NFATC2: variants seen among roughly 807,000 people sequenced by gnomAD.
The protein encoded by NFATC2 is nuclear factor of activated T cells 2, also known as nuclear factor of activated T-cells, cytoplasmic 2.
A neutral mutation model predicts 87.3 loss-of-function variants in NFATC2; 22 were observed. The ratio of observed to expected loss-of-function variants is 0.25; its 90% confidence interval spans 0.18 to 0.36. The LOEUF (loss-of-function observed/expected upper bound fraction) is 0.36, where lower values mean the gene tolerates loss of function less well. NFATC2 is among the 10% of genes least tolerant of loss of function. The pLI is 1.00. For missense variants in NFATC2, 1,149 were observed against 1,259.1 expected (o/e 0.91, Z 1.32); for synonymous variants, 565 against 542.2 (o/e 1.04, Z -0.58).
intron 1 of NFATC2, among the ~76,000 whole-genome samples, chr20:51,550,861 C>T (rs370444159): frequency 5.4e-4 from 82 of 152,310 alleles, no homozygotes; most frequent in African/African-American, 1.8e-3. Flanking sequence ...GAACTCATAT[C>T]GCTTTCACAC....
At chr20:51,534,784 C>T (rs983400128) in intron 1 of NFATC2, among the ~76,000 whole-genome samples, 6 of 152,192 alleles carry the variant, frequency 3.9e-5, no homozygotes, top group Non-Finnish European at 8.8e-5. Flanking sequence ...CAGACACCCT[C>T]GCCCAGGAAG....
intron 1 of NFATC2, among the ~76,000 whole-genome samples, chr20:51,558,864 C>T (rs947853164): frequency 1.3e-5 from 2 of 152,168 alleles, no homozygotes; most frequent in African/African-American, 4.8e-5. Flanking sequence ...AGATTTGAAC[C>T]TCTGATTCAG....
chr20:51,433,651 C>T (rs759131664), intron 8 of NFATC2, among the ~76,000 whole-genome samples: 28 of 152,060 alleles, frequency 1.8e-4, no homozygotes, highest in Non-Finnish European at 4.1e-4. Context: ...ATTACCAATC[C>T]CAGGAGTTGA....
chr20:51,421,088 A>C (rs1167360237), intron 9 of NFATC2, among the ~76,000 whole-genome samples: 20 of 147,210 alleles, frequency 1.4e-4, no homozygotes, highest in African/African-American at 4.6e-4. Context: ...AAAAAAAAAA[A>C]CAAAAAAAAC....
At chr20:51,519,291 CTTTTG>C (rs886988159) in intron 2 of NFATC2, among the ~76,000 whole-genome samples, 7 of 152,050 alleles carry the variant, frequency 4.6e-5, no homozygotes, top group African/African-American at 1.7e-4. Flanking sequence ...TCAATTTATA[CTTTTG>C]TTTGGTTCCG....
upstream of NFATC2, among the ~76,000 whole-genome samples, chr20:51,546,369 G>A (rs1457371518): frequency 6.6e-6 from 1 of 152,084 alleles, no homozygotes; most frequent in East Asian, 1.9e-4. Flanking sequence ...TTGGGCTGGG[G>A]GAAAGGCATA....
chr20:51,479,062 C>T (rs972342963), intron 3 of NFATC2, among the ~76,000 whole-genome samples: 6 of 152,130 alleles, frequency 3.9e-5, no homozygotes, highest in African/African-American at 1.2e-4. Flanking sequence ...CGTTTCCAGC[C>T]GTAGTGGGAA....
chr20:51,405,581 A>G (rs780517716), intron 9 of NFATC2, among the ~76,000 whole-genome samples: 2 of 152,194 alleles, frequency 1.3e-5, no homozygotes, highest in African/African-American at 4.8e-5. Context: ...AGTAGCATGA[A>G]TCAGATCACA....
intron 5 of NFATC2, among the ~76,000 whole-genome samples, chr20:51,466,766 A>C (rs755026112): frequency 6.6e-6 from 1 of 152,166 alleles, no homozygotes; most frequent in Non-Finnish European, 1.5e-5. Flanking sequence ...TAAAATATGA[A>C]TGTTCATAAA....
intron 5 of NFATC2, among the ~76,000 whole-genome samples, chr20:51,464,877 C>A (rs547134711): frequency 6.6e-6 from 1 of 152,242 alleles, no homozygotes; most frequent in East Asian, 1.9e-4. Flanking sequence ...TGGCCACAGG[C>A]AAGCTCACTT....
intron 9 of NFATC2, among the ~76,000 whole-genome samples, chr20:51,400,273 C>CATATCTACTCATTTAA (rs1555867460): frequency 1.3e-5 from 2 of 152,156 alleles, no homozygotes; most frequent in Non-Finnish European, 2.9e-5. Flanking sequence ...TCACTTTATC[C>CATATCTACTCATTTAA]ATATCTACTC....
At chr20:51,532,456 C>T (rs535272285) in intron 1 of NFATC2, among the ~76,000 whole-genome samples, 77 of 152,282 alleles carry the variant, frequency 5.1e-4, no homozygotes, top group Non-Finnish European at 8.7e-4. Flanking sequence ...TCATTTCACT[C>T]GGGAGGTGGG....
chr20:51,528,343 C>G lies in NFATC2; in HGVS notation c.131-4233G>C, dbSNP rs2076579200. Among the ~76,000 whole-genome samples the G allele has an allele frequency of 2.0e-5, 3 of 152,118 alleles. No individual in the cohort carries two copies. In the South Asian group the frequency reaches 6.2e-4, roughly 32 times the overall value. ...ACTGAGATTTAGTATTAGAGAAAAG[C>G]AAGCTGTATAGTGTGCACAGCATAA... On this transcript the variant is annotated intron_variant, in intron 1 of 10. Transcript: ENST00000371564.
At chr20:51,501,665 C>T (rs1369065461) in intron 3 of NFATC2, among the ~76,000 whole-genome samples, 2 of 152,208 alleles carry the variant, frequency 1.3e-5, no homozygotes, top group African/African-American at 4.8e-5. Flanking sequence ...ATCCCCCATT[C>T]CTGCCTTATT....
rs1989104707 is a variant in NFATC2 at position 51,480,066 on chromosome 20, T to C, written c.1333-4406A>G. On this transcript the variant is annotated intron_variant, in intron 3 of 10. Coordinates refer to ENST00000371564, the MANE Select transcript of NFATC2 (RefSeq NM_012340.5). This position sits in a 1 kb window ranked among gnomAD's most constrained non-coding sequence, Gnocchi z 4.2. ...ACTTTGGGAGGCTGAGGTGGGCAGA[T>C]CACTTGACGTCAGGAGTTCAAGACC... Among the ~76,000 whole-genome samples the C allele has an allele frequency of 6.6e-6, 1 of 152,078 alleles. No homozygotes were observed. Among genetic ancestry groups the C allele is most frequent in the African/African-American group, 2.4e-5 (1 of 41,390 alleles).
intron 6 of NFATC2, among the ~76,000 whole-genome samples, chr20:51,446,362 G>A (rs572594757): frequency 1.3e-5 from 2 of 152,302 alleles, no homozygotes; most frequent in South Asian, 2.1e-4. Flanking sequence ...GATACTTTCA[G>A]TTCCTTGATC....
At chr20:51,514,957 G>A (rs1284873219) in intron 3 of NFATC2, among the ~76,000 whole-genome samples, 1 of 152,226 alleles carries the variant, frequency 6.6e-6, no homozygotes, top group African/African-American at 2.4e-5. Context: ...CCAAGGGAGA[G>A]GAAGTGCACA....
chr20:51,539,564 G>A (rs1156656013), intron 1 of NFATC2, among the ~76,000 whole-genome samples: 7 of 152,262 alleles, frequency 4.6e-5, no homozygotes, highest in South Asian at 2.1e-4. Context: ...GCTCAGGGCA[G>A]CCTCGAACTC....
In NFATC2 at chr20:51,540,663, T is replaced by TTTTTTTGTTTGTTTG. The variant is rs1555818358; in HGVS notation, c.130+1706_130+1707insCAAACAAACAAAAAA. On this transcript the variant is annotated intron_variant, in intron 1 of 10. Transcript: ENST00000371564. ...AAAACTGAAGTTTTTTTTTTGTTTT[T>TTTTTTTGTTTGTTTG]TTTTTTTTGAGAAAACAGATTCCAG... Among the ~76,000 whole-genome samples, 226 of 135,786 alleles carry TTTTTTTGTTTGTTTG rather than the reference T, an allele frequency of 1.7e-3. 10 individuals are homozygous for TTTTTTTGTTTGTTTG. The highest frequency in any genetic ancestry group is 5.5e-3 in the African/African-American group (194 of 35,248). 89.1% of individuals were successfully genotyped at this position (135,786 alleles called of 152,430 possible).
Sources: gnomAD v4.1 joint callset for allele counts (sites outside exome capture counted in the v4.1 genomes callset) on GRCh38, gnomAD v4.1.1 for gene constraint, Gnocchi (gnomAD v3.1) non-coding constraint, MANE v1.5 for transcripts, NCBI Gene and HGNC (gene_info 2026-07-23, HGNC 2026-07-21) for gene names.